The following NPSR1 variants were observed in gnomAD, a reference collection of about 807,000 sequenced individuals.
The protein encoded by NPSR1 is neuropeptide S receptor.
Under a neutral mutation model 46.9 loss-of-function variants are expected in NPSR1, and 48 were observed. The observed-to-expected ratio is 1.02, with a 90% CI of 0.81 to 1.30. NPSR1 has a LOEUF of 1.30. Ranked by LOEUF, NPSR1 falls within the 50% of genes most tolerant of loss-of-function variation. NPSR1 has a pLI of 0.00. For missense variants in NPSR1, 450 were observed against 449.5 expected, an observed-to-expected ratio of 1.00 and a Z score of -0.01; for synonymous variants, 176 against 168.1, an observed-to-expected ratio of 1.05 and a Z score of -0.36.
intron 3 of NPSR1, among the ~76,000 whole-genome samples, chr7:34,782,198 C>T (rs1402580267): frequency 6.6e-6 from 1 of 152,156 alleles, no homozygotes; most frequent in Non-Finnish European, 1.5e-5. Context: ...GCACCAATGT[C>T]ATTACCATTC....
chr7:34,710,211 C>T (rs1783206822), intron 2 of NPSR1, among the ~76,000 whole-genome samples: 1 of 152,192 alleles, frequency 6.6e-6, no homozygotes, highest in African/African-American at 2.4e-5. Context: ...AGGCCACCTT[C>T]TGACCAAATC....
chr7:34,828,584 C>G (rs999308450), intron 5 of NPSR1, among the ~76,000 whole-genome samples: 1 of 152,154 alleles, frequency 6.6e-6, no homozygotes, highest in African/African-American at 2.4e-5. Context: ...GATGCTGCAC[C>G]TTTTGGGTAG....
At chr7:34,870,644 G>T (rs1459842841) in intron 8 of NPSR1, among the ~76,000 whole-genome samples, 1 of 151,762 alleles carries the variant, frequency 6.6e-6, no homozygotes, top group Non-Finnish European at 1.5e-5. Flanking sequence ...AAACAGGGAA[G>T]ATATGAGCCA....
chr7:34,782,730 T>C (rs1200657750), intron 3 of NPSR1, among the ~76,000 whole-genome samples: 1 of 151,914 alleles, frequency 6.6e-6, no homozygotes, highest in African/African-American at 2.4e-5. Flanking sequence ...AAAATAAACA[T>C]AAAAAAACAG....
intron 2 of NPSR1, among the ~76,000 whole-genome samples, chr7:34,720,935 C>A (rs1783825128): frequency 6.6e-6 from 1 of 150,528 alleles, no homozygotes; most frequent in African/African-American, 2.4e-5. Flanking sequence ...CACTTTATAC[C>A]AAGAAAAAGG....
At chr7:34,725,018 C>T (rs1784062678) in intron 2 of NPSR1, among the ~76,000 whole-genome samples, 4 of 151,584 alleles carry the variant, frequency 2.6e-5, no homozygotes, top group African/African-American at 7.3e-5. Flanking sequence ...AATGGATGAT[C>T]CATTTAATTT....
intron 2 of NPSR1, among the ~76,000 whole-genome samples, chr7:34,762,057 A>G (rs1447527075): frequency 6.6e-6 from 1 of 152,206 alleles, no homozygotes; most frequent in East Asian, 1.9e-4. Flanking sequence ...AGAGGCAAAG[A>G]GAGTAAGTTT....
At chr7:34,739,118 T>C (rs898978955) in intron 2 of NPSR1, among the ~76,000 whole-genome samples, 1 of 152,258 alleles carries the variant, frequency 6.6e-6, no homozygotes, top group East Asian at 1.9e-4. Flanking sequence ...TTACATATTA[T>C]GTTTTATTTA....
intron 1 of NPSR1, among the ~76,000 whole-genome samples, chr7:34,661,018 T>C (rs927062852): frequency 5.9e-5 from 9 of 152,224 alleles, no homozygotes; most frequent in African/African-American, 2.2e-4. Flanking sequence ...TATATTTGTT[T>C]CATATTTTCT....
At chr7:34,843,945 A>C (rs906337361) in intron 6 of NPSR1, among the ~76,000 whole-genome samples, 2 of 152,116 alleles carry the variant, frequency 1.3e-5, no homozygotes, top group Admixed American at 1.3e-4. Flanking sequence ...TGGGGCTGGC[A>C]TTCTCTTCAT....
intron 2 of NPSR1, among the ~76,000 whole-genome samples, chr7:34,755,725 C>T (rs1353442567): frequency 6.6e-6 from 1 of 151,948 alleles, no homozygotes; most frequent in Non-Finnish European, 1.5e-5. Context: ...CCTAAAAACA[C>T]CTTTAAGGGC....
chr7:34,826,915 C>T (rs1329620656), intron 4 of NPSR1, among the ~76,000 whole-genome samples: 1 of 151,348 alleles, frequency 6.6e-6, no homozygotes, highest in East Asian at 1.9e-4. Flanking sequence ...AAGAAGTTTC[C>T]TTCCCATTTG....
Position 34,741,649 on chromosome 7 carries a change from T to C in NPSR1, c.281-36813T>C, listed in dbSNP as rs534159067. On this transcript the variant is annotated intron_variant, in intron 2 of 8. Coordinates refer to ENST00000360581, the MANE Select transcript of NPSR1 (RefSeq NM_207172.2). ...GACCCTGGGAATATTCTAAGTTAGGTAAAACAAAGGCACACTTTGCACTGA... is the reference window on the plus strand; with the variant it reads ...GACCCTGGGAATATTCTAAGTTAGGCAAAACAAAGGCACACTTTGCACTGA... 1.2e-4 allele frequency among the ~76,000 whole-genome samples: 19 copies of C among 152,242 alleles called. No individual in the cohort carries two copies. The East Asian group carries it at 1.7e-3, about 14-fold the overall frequency.
chr7:34,688,980 G>C lies in NPSR1; in HGVS notation c.280+4296G>C, dbSNP rs545782218. Among the ~76,000 whole-genome samples, 10 of 152,266 alleles carry C rather than the reference G, an allele frequency of 6.6e-5. No homozygotes were observed. In the East Asian group the frequency reaches 1.9e-3, roughly 29 times the overall value. ...CCCCACTTCCTGTGCAGAGAACTTG[G>C]GACAGTGGAGGTTTCCAGACTCTAT... On this transcript the variant is annotated intron_variant, in intron 2 of 8. Transcript: ENST00000360581.
At chr7:34,694,111 A>G (rs2128691517) in intron 2 of NPSR1, among the ~76,000 whole-genome samples, 1 of 152,296 alleles carries the variant, frequency 6.6e-6, no homozygotes, top group Admixed American at 6.5e-5. Context: ...GTCCACATTC[A>G]CCACTCCTAT....
At chr7:34,839,698 T>C (rs740717) in intron 6 of NPSR1, among the ~76,000 whole-genome samples, 5,898 of 152,212 alleles carry the variant, frequency 0.039, 229 homozygotes, top group African/African-American at 0.1. Flanking sequence ...AAAGGCATTG[T>C]TCCACACAGT....
intron 2 of NPSR1, among the ~76,000 whole-genome samples, chr7:34,691,887 G>T (rs1331266418): frequency 1.3e-5 from 2 of 152,138 alleles, no homozygotes; most frequent in Admixed American, 6.5e-5. Flanking sequence ...GGGCTGAGGT[G>T]GTAGGATTGT....
At chr7:34,789,277 G>A (rs181382535) in intron 3 of NPSR1, among the ~76,000 whole-genome samples, 140 of 151,766 alleles carry the variant, frequency 9.2e-4, no homozygotes, top group Admixed American at 1.7e-3. Flanking sequence ...TTCATAAAAA[G>A]GGAGAAATAA....
At chr7:34,780,414 T>C (rs1787178830) in intron 3 of NPSR1, among the ~76,000 whole-genome samples, 1 of 152,194 alleles carries the variant, frequency 6.6e-6, no homozygotes, top group Non-Finnish European at 1.5e-5. Flanking sequence ...GTTAAGACTA[T>C]ATATAAAATA....
Sources: gnomAD v4.1 joint callset for allele counts (sites outside exome capture counted in the v4.1 genomes callset) on GRCh38, gnomAD v4.1.1 for gene constraint, MANE v1.5 for transcripts, NCBI Gene and HGNC (gene_info 2026-07-23, HGNC 2026-07-21) for gene names.